SDK1: variants seen among roughly 807,000 people sequenced by gnomAD.
SDK1 encodes the protein protein sidekick-1.
In SDK1, 157 loss-of-function variants were observed where a neutral mutation model predicts 245.5. That is an observed-to-expected ratio of 0.64 (90% CI 0.56 to 0.73). The LOEUF (loss-of-function observed/expected upper bound fraction) is 0.73. SDK1 is among the 30% of genes least tolerant of loss of function. The pLI, the probability that SDK1 is intolerant of heterozygous loss-of-function variation, is 0.00. For missense variants in SDK1, 3,583 were observed against 3,002.3 expected (o/e 1.19, Z -4.52); for synonymous variants, 1,647 against 1,278.5 (o/e 1.29, Z -6.15).
chr7:3,952,519 G>A (rs780664372), intron 7 of SDK1, among the ~76,000 whole-genome samples: 1 of 152,070 alleles, frequency 6.6e-6, no homozygotes, highest in African/African-American at 2.4e-5. Context: ...GGAGGCAGAG[G>A]TTGCAGTGAG....
intron 1 of SDK1, among the ~76,000 whole-genome samples, chr7:3,585,644 A>C (rs1780662792): frequency 6.6e-6 from 1 of 152,132 alleles, no homozygotes; most frequent in Non-Finnish European, 1.5e-5. Context: ...GTAACAGAGA[A>C]CAGAGGGGGC....
intron 4 of SDK1, among the ~76,000 whole-genome samples, chr7:3,796,055 C>G (rs1778953844): frequency 6.6e-6 from 1 of 152,150 alleles, no homozygotes; most frequent in Admixed American, 6.5e-5. Context: ...TTCGACAATT[C>G]TGTGTAGTCT....
chr7:4,087,386 C>T (rs1781491278), intron 22 of SDK1, among the ~76,000 whole-genome samples: 1 of 152,112 alleles, frequency 6.6e-6, no homozygotes, highest in Non-Finnish European at 1.5e-5. Context: ...ACTAATTCCA[C>T]ATTGTTTACT....
At chr7:4,157,054 G>T (rs1454239045) in intron 30 of SDK1, among the ~76,000 whole-genome samples, 1 of 152,200 alleles carries the variant, frequency 6.6e-6, no homozygotes, top group Non-Finnish European at 1.5e-5. Context: ...TTCCTCACTT[G>T]CTCATTCGGA....
chr7:4,129,668 C>G (rs1784659258), intron 26 of SDK1: 1 of 1,378,744 alleles, frequency 7.3e-7, no homozygotes, highest in African/African-American at 1.5e-5. Flanking sequence ...GACCAGGCAG[C>G]AGGCTCGCCA....
intron 36 of SDK1, 62 bp from the exon 37 acceptor site, chr7:4,208,037 T>C (rs929616984): frequency 1.4e-5 from 18 of 1,280,502 alleles, no homozygotes; most frequent in Admixed American, 3.8e-5. Context: ...TTACACTCAG[T>C]GGCCCCCGCT....
chr7:4,129,953 A>T lies in SDK1; in HGVS notation c.3985A>T (p.Ile1329Phe). The T allele has an allele frequency of 6.2e-7, 1 of 1,613,826 alleles. No individual in the cohort carries two copies. The highest frequency in any genetic ancestry group is 1.1e-5 in the South Asian group (1 of 91,082). ...CCTGGATCCCGAGCCCAGGAGCCAC[A>T]TCGTGCGAGGGAACCACACGCAGTC... ...KDLDPEPRSH[I>F]VRGNHTQSAL... The change falls in exon 27 of 45, where the codon ATC becomes TTC. Residue 1329 changes from isoleucine (I) to phenylalanine (F), a missense_variant. Transcript: ENST00000404826.
At chr7:3,826,803 C>G (rs1779787221) in intron 5 of SDK1, among the ~76,000 whole-genome samples, 1 of 152,162 alleles carries the variant, frequency 6.6e-6, no homozygotes, top group South Asian at 2.1e-4. Context: ...TAGTTTCCTT[C>G]TTGGGCTTTC....
chr7:3,625,023 G>C (rs1379840387), intron 2 of SDK1, among the ~76,000 whole-genome samples: 7 of 152,076 alleles, frequency 4.6e-5, no homozygotes, highest in Non-Finnish European at 7.4e-5. Flanking sequence ...TGGGCAACAA[G>C]AGCAAAACTC....
At chr7:3,394,290 C>A (rs545306635) in intron 1 of SDK1, among the ~76,000 whole-genome samples, 2 of 151,996 alleles carry the variant, frequency 1.3e-5, no homozygotes, top group South Asian at 4.1e-4. Flanking sequence ...ATTTGGTGAA[C>A]GTATTATCTA....
chr7:3,612,522 C>A (rs1025122568), intron 1 of SDK1, among the ~76,000 whole-genome samples: 1 of 152,206 alleles, frequency 6.6e-6, no homozygotes, highest in Non-Finnish European at 1.5e-5. Context: ...AGAAAAGGAT[C>A]TTCTACCCAC....
At chr7:3,537,843 G>C (rs373049241) in intron 1 of SDK1, among the ~76,000 whole-genome samples, 1 of 152,204 alleles carries the variant, frequency 6.6e-6, no homozygotes, top group African/African-American at 2.4e-5. Flanking sequence ...TCAGGAAGCA[G>C]AGTTGGGGCC....
intron 22 of SDK1, among the ~76,000 whole-genome samples, chr7:4,102,273 C>G (rs1782605715): frequency 6.6e-6 from 1 of 152,136 alleles, no homozygotes; most frequent in African/African-American, 2.4e-5. Flanking sequence ...GCCCTCCAGC[C>G]ACCTCCTCTC....
chr7:3,721,306 C>T (rs979644674), intron 4 of SDK1, among the ~76,000 whole-genome samples: 3 of 152,198 alleles, frequency 2.0e-5, no homozygotes, highest in Non-Finnish European at 4.4e-5. Flanking sequence ...ATTCTCCCAA[C>T]ATCAGTTTCC....
At chr7:3,518,038 C>T (rs1451643157) in intron 1 of SDK1, among the ~76,000 whole-genome samples, 1 of 151,982 alleles carries the variant, frequency 6.6e-6, no homozygotes, top group Non-Finnish European at 1.5e-5. Context: ...CAGTTTTAGG[C>T]CCTTATTTTG....
At chr7:3,813,655 T>C (rs1476420177) in intron 4 of SDK1, among the ~76,000 whole-genome samples, 1 of 143,242 alleles carries the variant, frequency 7.0e-6, no homozygotes, top group Non-Finnish European at 1.5e-5. Context: ...TCAAATGGTA[T>C]TTCTAGTTCT....
At chr7:3,657,713 C>T (rs189263045) in intron 4 of SDK1, among the ~76,000 whole-genome samples, 11 of 152,226 alleles carry the variant, frequency 7.2e-5, no homozygotes, top group Non-Finnish European at 4.4e-5. Flanking sequence ...GGCCAGGCAG[C>T]GTGCAGCCTA....
chr7:3,884,115 G>A (rs1261952378), intron 5 of SDK1, among the ~76,000 whole-genome samples: 1 of 147,018 alleles, frequency 6.8e-6, no homozygotes, highest in African/African-American at 2.5e-5. Flanking sequence ...GGGTCTCGCT[G>A]TGTCACGCAG....
At chr7:3,307,817 C>A (rs1216120386) in intron 1 of SDK1, among the ~76,000 whole-genome samples, 1 of 151,932 alleles carries the variant, frequency 6.6e-6, no homozygotes, top group East Asian at 1.9e-4. Flanking sequence ...TCTGTTTTCT[C>A]ACCTATAAAA....
Sources: allele counts gnomAD v4.1 joint callset (sites outside exome capture counted in the v4.1 genomes callset), GRCh38; gene constraint gnomAD v4.1.1; transcripts MANE v1.5; gene names NCBI Gene and HGNC (gene_info 2026-07-23, HGNC 2026-07-21).